The following RIN2 variants were observed in gnomAD, a reference collection of about 807,000 sequenced individuals.
RIN2 encodes RAB5 interacting protein 2.
RIN2 carries 36 observed loss-of-function variants against 78.0 expected under a neutral mutation model. The observed-to-expected ratio is 0.46, with a 90% CI of 0.35 to 0.61. The LOEUF (loss-of-function observed/expected upper bound fraction) is 0.61, where lower values mean the gene tolerates loss of function less well. RIN2 is among the 20% of genes least tolerant of loss of function. The pLI is 0.00. For missense variants in RIN2, 1,087 were observed against 1,159.7 expected, an observed-to-expected ratio of 0.94 and a Z score of 0.91; for synonymous variants, 466 against 466.8, an observed-to-expected ratio of 1.00 and a Z score of 0.02.
intron 2 of RIN2, among the ~76,000 whole-genome samples, chr20:19,866,351 G>A (rs1026314623): frequency 6.6e-6 from 1 of 152,112 alleles, no homozygotes; most frequent in Non-Finnish European, 1.5e-5. Flanking sequence ...GTGCAGTCTT[G>A]GGGGGTGGGG....
intron 1 of RIN2, among the ~76,000 whole-genome samples, chr20:19,774,088 A>T (rs1049621819): frequency 6.6e-6 from 1 of 152,010 alleles, no homozygotes; most frequent in Admixed American, 6.6e-5. Flanking sequence ...ACCAGCTACC[A>T]TAGGCAGGGG....
chr20:19,780,701 G>A (rs6046315), intron 1 of RIN2, among the ~76,000 whole-genome samples: 2,393 of 152,304 alleles, frequency 0.016, 66 homozygotes, highest in African/African-American at 0.055. Flanking sequence ...TGCAACCCTC[G>A]TGAATCTACT....
intron 3 of RIN2, among the ~76,000 whole-genome samples, chr20:19,932,530 G>C (rs2040479907): frequency 1.3e-5 from 2 of 152,022 alleles, no homozygotes; most frequent in Non-Finnish European, 2.9e-5. Flanking sequence ...CCTCTCTCGA[G>C]GCCCCAGTGC....
At position 19,945,445 on chromosome 20, in the gene RIN2, C is replaced by T. The variant is rs58841388; in HGVS notation, c.158+10246C>T. On this transcript the variant is annotated intron_variant, in intron 4 of 12. Transcript: ENST00000255006. ...GTTTCTTCAGACCTCATGCACTGCA[C>T]CTGCCTTTATCCAAGAGCACTTTCC... 0.014 allele frequency among the ~76,000 whole-genome samples: 2,154 copies of T among 152,292 alleles called. 102 individuals carry two copies. The East Asian group carries it at 0.17, about 12-fold the overall frequency.
intron 3 of RIN2, among the ~76,000 whole-genome samples, chr20:19,899,774 A>G (rs545446668): frequency 3.3e-5 from 5 of 152,356 alleles, no homozygotes; most frequent in Admixed American, 3.3e-4. Context: ...GATGGAAGTC[A>G]CAGTCTTTTT....
At position 19,899,998 on chromosome 20, in the gene RIN2, G is replaced by T. The variant is rs1568586805; in HGVS notation, c.57+10340G>T. 2.0e-5 allele frequency among the ~76,000 whole-genome samples: 3 copies of T among 152,104 alleles called. No individual in the cohort carries two copies. The South Asian group carries it at 6.2e-4, about 32-fold the overall frequency. Reference sequence around the variant, plus strand: ...CAAACAGAAATAAAATGAGTGAGTGGGCCTGGCATCAGACAGGTGGGATTG... The same window carrying T: ...CAAACAGAAATAAAATGAGTGAGTGTGCCTGGCATCAGACAGGTGGGATTG... On this transcript the variant is annotated intron_variant, in intron 3 of 12. Coordinates refer to ENST00000255006, the MANE Select transcript of RIN2 (RefSeq NM_018993.4).
intron 3 of RIN2, among the ~76,000 whole-genome samples, chr20:19,920,169 G>T (rs557849401): frequency 1.3e-5 from 2 of 151,994 alleles, no homozygotes; most frequent in South Asian, 2.1e-4. Context: ...GGTGGCGGGC[G>T]CCTATAGTCC....
At chr20:19,992,333 G>C in intron 11 of RIN2, 34 bp downstream of exon 11, 2 of 1,516,696 alleles carry the variant, frequency 1.3e-6, no homozygotes, top group Non-Finnish European at 1.8e-6. Context: ...AAGGAACTGG[G>C]TGCTATTTTT....
At chr20:19,883,678 A>T (rs958264483) in intron 2 of RIN2, among the ~76,000 whole-genome samples, 2 of 152,056 alleles carry the variant, frequency 1.3e-5, no homozygotes, top group African/African-American at 4.8e-5. Context: ...AGAGGAGCCC[A>T]CCTGTTGCCC....
At chr20:19,833,815 G>T (rs1419326069) in intron 2 of RIN2, among the ~76,000 whole-genome samples, 1 of 152,180 alleles carries the variant, frequency 6.6e-6, no homozygotes, top group Non-Finnish European at 1.5e-5. Flanking sequence ...TAGCACAGGG[G>T]TGCAAAAGTG....
At chr20:19,812,091 T>C (rs1204593950) in intron 2 of RIN2, among the ~76,000 whole-genome samples, 1 of 152,200 alleles carries the variant, frequency 6.6e-6, no homozygotes, top group East Asian at 1.9e-4. Context: ...AGTATTTCAT[T>C]GCATGGATTT....
chr20:19,886,258 T>C (rs1321889860), intron 2 of RIN2, among the ~76,000 whole-genome samples: 2 of 152,144 alleles, frequency 1.3e-5, no homozygotes, highest in Non-Finnish European at 2.9e-5. Flanking sequence ...GTCAGTAGAA[T>C]GGGTTGGGGA....
At chr20:19,938,126 C>T (rs2040721940) in intron 4 of RIN2, among the ~76,000 whole-genome samples, 1 of 152,226 alleles carries the variant, frequency 6.6e-6, no homozygotes, top group Non-Finnish European at 1.5e-5. Context: ...CCCCAGTGCC[C>T]TGGCTGGTTC....
chr20:19,888,610 G>A (rs760178998), intron 2 of RIN2, among the ~76,000 whole-genome samples: 4 of 152,184 alleles, frequency 2.6e-5, no homozygotes, highest in Non-Finnish European at 5.9e-5. Context: ...CTCTGTGTCC[G>A]TCACGGTTGG....
At chr20:19,823,068 T>C (rs907832277) in intron 2 of RIN2, among the ~76,000 whole-genome samples, 4 of 151,958 alleles carry the variant, frequency 2.6e-5, no homozygotes, top group Admixed American at 2.6e-4. Flanking sequence ...TTTTATTCAA[T>C]GCCCATTTTA....
chr20:19,823,385 C>T, intron 2 of RIN2: 2 of 583,974 alleles, frequency 3.4e-6, no homozygotes, highest in Non-Finnish European at 5.8e-6. Flanking sequence ...TCTGCTCTGC[C>T]TGCTTTTTTT....
intron 11 of RIN2, 135 bp from the exon 12 acceptor site, chr20:19,996,544 C>A (rs573126416): frequency 4.6e-4 from 384 of 842,944 alleles, no homozygotes; most frequent in Non-Finnish European, 6.1e-4. Flanking sequence ...GTGTGTGCTT[C>A]TGTGATCCCA....
rs950013769 is a variant in RIN2 at position 19,978,626 on chromosome 20, T to C, written c.1762+2839T>C. On this transcript the variant is annotated intron_variant, in intron 9 of 12. Coordinates refer to ENST00000255006, the MANE Select transcript of RIN2 (RefSeq NM_018993.4). ...ATTTGCATTCTATTTAGACTACCCT[T>C]TGGAGCACTTCCAACCAAAAGCCCT... 2.0e-5 allele frequency among the ~76,000 whole-genome samples: 3 copies of C among 152,320 alleles called. No individual in the cohort carries two copies. In the East Asian group the frequency reaches 5.8e-4, roughly 29 times the overall value.
chr20:19,869,687 G>A (rs2037623063), intron 2 of RIN2, among the ~76,000 whole-genome samples: 1 of 151,276 alleles, frequency 6.6e-6, no homozygotes, highest in African/African-American at 2.4e-5. Context: ...GTGCAGTGGT[G>A]CAATCACAGC....
Sources: gnomAD v4.1 joint callset for allele counts (sites outside exome capture counted in the v4.1 genomes callset) on GRCh38, gnomAD v4.1.1 for gene constraint, MANE v1.5 for transcripts, NCBI Gene and HGNC (gene_info 2026-07-23, HGNC 2026-07-21) for gene names.